FBXL13: variants seen among roughly 807,000 people sequenced by gnomAD.
The protein encoded by FBXL13 is F-box and leucine rich repeat protein 13, also known as F-box and leucine-rich repeat protein 13.
Under a neutral mutation model 83.6 loss-of-function variants are expected in FBXL13, and 67 were observed. The ratio of observed to expected loss-of-function variants is 0.80; its 90% CI spans 0.66 to 0.98. The LOEUF (loss-of-function observed/expected upper bound fraction) is 0.98, where lower values mean the gene tolerates loss of function less well. FBXL13 is among the 50% of genes least tolerant of loss of function. The probability of loss-of-function intolerance (pLI) is 0.00; values close to 1 mark genes in which losing one functional copy is unlikely to be tolerated. For synonymous variants in FBXL13, 272 were observed against 299.5 expected, an observed-to-expected ratio of 0.91 and a Z score of 0.95; for missense variants, 822 against 866.5, an observed-to-expected ratio of 0.95 and a Z score of 0.64.
rs1263882342 is a variant in FBXL13, at chr7:103,055,193, T to G, written c.-1+451A>C. On this transcript the variant is annotated intron_variant, in intron 2 of 19. Transcript: ENST00000313221. ...TGCACATATCCCTTTAATAACATCA[T>G]AAAATACAGTCAAAATTAATTTCAT... 8.2e-7 allele frequency: 1 copy of G among 1,219,126 alleles called. No homozygotes were observed. The highest frequency in any genetic ancestry group is 2.6e-5 in the Admixed American group (1 of 38,582). The allele number at this position is 1,219,126 out of a possible 1,614,324, so 75.5% of individuals were successfully genotyped here.
chr7:103,064,312 A>G (rs530583829), intron 1 of FBXL13, among the ~76,000 whole-genome samples: 1 of 152,358 alleles, frequency 6.6e-6, no homozygotes, highest in South Asian at 2.1e-4. Context: ...CCAACCCCAG[A>G]GATGGGGATA....
intron 5 of FBXL13, among the ~76,000 whole-genome samples, chr7:103,025,776 A>G (rs552722978): frequency 6.1e-4 from 92 of 151,942 alleles, no homozygotes; most frequent in African/African-American, 2.0e-3. Context: ...GTATGTGTGT[A>G]TGTATGTATG....
At chr7:102,849,528 A>G (rs1804797195) in intron 17 of FBXL13, among the ~76,000 whole-genome samples, 3 of 152,216 alleles carry the variant, frequency 2.0e-5, no homozygotes. Context: ...TAAAAACAGA[A>G]TCTCTCCTAT....
At chr7:102,821,078 G>T (rs538551353) in intron 19 of FBXL13, among the ~76,000 whole-genome samples, 1 of 152,176 alleles carries the variant, frequency 6.6e-6, no homozygotes, top group African/African-American at 2.4e-5. Flanking sequence ...TGAGTAACAC[G>T]TTATTCATTC....
Position 103,071,551 on chromosome 7 carries a change from C to CTT in FBXL13, c.-105+2693_-105+2694dup, listed in dbSNP as rs774310534. On this transcript the variant is annotated intron_variant, in intron 1 of 19. Coordinates refer to ENST00000313221, the Ensembl canonical transcript of FBXL13. Reference sequence around the variant, plus strand: ...GGTGTGAGCCACTAAGACAAGTTAGCTTTTTTTTTTTTTTTTTTTTAATTT... The same window carrying CTT: ...GGTGTGAGCCACTAAGACAAGTTAGCTTTTTTTTTTTTTTTTTTTTTTAATTT... Among the ~76,000 whole-genome samples, 306 of 126,156 alleles carry CTT rather than the reference C, an allele frequency of 2.4e-3. 2 individuals carry two copies. In the East Asian group the frequency reaches 0.05, roughly 21 times the overall value. 82.8% of individuals were successfully genotyped at this position (126,156 alleles called of 152,430 possible). A position where few individuals can be genotyped will look rare whatever the true frequency, so the allele number is the denominator to read the frequency against.
intron 8 of FBXL13, chr7:102,944,179 CTCAGGCTCAATAAATATTT>C: frequency 6.4e-7 from 1 of 1,564,612 alleles, no homozygotes; most frequent in Non-Finnish European, 8.6e-7. Flanking sequence ...AACTCAATTA[CTCAGGCTCAATAAATATTT>C]TCTGTTTCCA....
At chr7:103,055,448 C>A (rs142510353) in intron 2 of FBXL13, among the ~76,000 whole-genome samples, 196 bp downstream of exon 2, 1,675 of 152,200 alleles carry the variant, frequency 0.011, 35 homozygotes, top group African/African-American at 0.039. Context: ...TAAGAATACA[C>A]CGTATTTCTC....
At chr7:103,068,438 CA>C (rs2129504486) in intron 1 of FBXL13, among the ~76,000 whole-genome samples, 1 of 152,278 alleles carries the variant, frequency 6.6e-6, no homozygotes, top group Admixed American at 6.5e-5. Flanking sequence ...CCTAGGATTT[CA>C]TATCTGAGTA....
intron 1 of FBXL13, among the ~76,000 whole-genome samples, chr7:103,057,337 G>A (rs909148043): frequency 2.0e-5 from 3 of 151,950 alleles, no homozygotes; most frequent in Non-Finnish European, 4.4e-5. Flanking sequence ...GTTCTTTATA[G>A]CCAATCTGAA....
rs772728840 is a variant in FBXL13 at position 103,060,020 on chromosome 7, TTATATATATATATA to T, written c.-104-4287_-104-4274del. Among the ~76,000 whole-genome samples the T allele has an allele frequency of 6.6e-3, 330 of 50,084 alleles. 16 individuals carry two copies. The highest frequency in any genetic ancestry group is 8.1e-3 in the Non-Finnish European group (199 of 24,692). The allele number at this position is 50,084 out of a possible 152,430, so 32.9% of individuals were successfully genotyped here. A position where few individuals can be genotyped will look rare whatever the true frequency, so the allele number is the denominator to read the frequency against. On this transcript the variant is annotated intron_variant, in intron 1 of 19. Coordinates refer to ENST00000313221, the Ensembl canonical transcript of FBXL13. ...CAACAGATAATGATAGCAAGATATTTTATATATATATATATATATATATATATATATATATATAT... is the reference window on the plus strand; with the variant it reads ...CAACAGATAATGATAGCAAGATATTTTATATATATATATATATATATATAT...
At chr7:103,032,893 G>T (rs760281381) in intron 2 of FBXL13, among the ~76,000 whole-genome samples, 1 of 152,166 alleles carries the variant, frequency 6.6e-6, no homozygotes. Flanking sequence ...GCGGGGTGTG[G>T]TGGCATGCAC....
At chr7:102,974,315 G>A (rs1404205931) in intron 6 of FBXL13, among the ~76,000 whole-genome samples, 1 of 152,036 alleles carries the variant, frequency 6.6e-6, no homozygotes, top group Admixed American at 6.6e-5. Context: ...GTGTGAACCC[G>A]GGAGGCAGAG....
intron 18 of FBXL13, among the ~76,000 whole-genome samples, chr7:102,824,018 G>C (rs1320626130): frequency 1.3e-5 from 2 of 152,222 alleles, no homozygotes; most frequent in Non-Finnish European, 1.5e-5. Context: ...GAAAAGTCCA[G>C]GGGAGGTGGA....
intron 1 of FBXL13, among the ~76,000 whole-genome samples, chr7:103,057,654 T>C (rs1022028182): frequency 7.9e-5 from 12 of 152,248 alleles, no homozygotes; most frequent in Middle Eastern, 3.2e-3. Flanking sequence ...TCTAAGATAC[T>C]GTTTAAAGCA....
intron 16 of FBXL13, among the ~76,000 whole-genome samples, chr7:102,856,211 A>G (rs1370022763): frequency 2.0e-5 from 3 of 152,344 alleles, no homozygotes; most frequent in Admixed American, 2.0e-4. Context: ...GTTTCAAAAC[A>G]AAGTCTGACC....
In FBXL13 at chr7:102,951,375, CTAAA is replaced by C. The variant is rs71106701; in HGVS notation, c.724+12154_724+12157del. Among the ~76,000 whole-genome samples, 281 of 133,946 alleles carry C rather than the reference CTAAA, an allele frequency of 2.1e-3. 2 individuals carry two copies. The highest frequency in any genetic ancestry group is 7.4e-3 in the African/African-American group (267 of 35,896). 87.9% of individuals were successfully genotyped at this position (133,946 alleles called of 152,430 possible). ...TGGGCAACAGAGCGAGACTCCATCTCTAAATAAATAAATAAATAAATAAATAAAA... is the reference window on the plus strand; with the variant it reads ...TGGGCAACAGAGCGAGACTCCATCTCTAAATAAATAAATAAATAAATAAAA... On this transcript the variant is annotated intron_variant, in intron 8 of 19. Transcript: ENST00000313221.
At position 102,926,391 on chromosome 7, in the gene FBXL13, G is replaced by A; in HGVS notation, c.778-17C>T. On this transcript the variant is annotated splice_polypyrimidine_tract_variant and intron_variant, in intron 9 of 19. Coordinates refer to ENST00000313221, the Ensembl canonical transcript of FBXL13. ...TGATTCATCCTGCATGAAAAACAGA[G>A]GGAAGAGGCTTATCAAATTATAGCA... 1 of 1,594,382 alleles carries A rather than the reference G, an allele frequency of 6.3e-7. No homozygotes were observed. Among genetic ancestry groups the A allele is most frequent in the Non-Finnish European group, 8.6e-7 (1 of 1,165,412 alleles).
At chr7:103,022,094 T>C (rs976130574) in intron 6 of FBXL13, among the ~76,000 whole-genome samples, 3 of 152,098 alleles carry the variant, frequency 2.0e-5, no homozygotes, top group African/African-American at 7.2e-5. Context: ...TGTCCAACAA[T>C]GATAGACTGG....
At chr7:103,072,903 T>G (rs1799114224) in intron 1 of FBXL13, among the ~76,000 whole-genome samples, 1 of 152,208 alleles carries the variant, frequency 6.6e-6, no homozygotes, top group South Asian at 2.1e-4. Flanking sequence ...TCTATTAATA[T>G]ATGCCTGGCA....
Sources: allele counts gnomAD v4.1 joint callset (sites outside exome capture counted in the v4.1 genomes callset), GRCh38; gene constraint gnomAD v4.1.1; transcripts MANE v1.5; gene names NCBI Gene and HGNC (gene_info 2026-07-23, HGNC 2026-07-21).